Variants in CCDC92B observed in about 807,000 individuals in gnomAD.
CCDC92B encodes coiled-coil domain containing 92B.
Under a neutral mutation model 5.6 loss-of-function variants are expected in CCDC92B, and 2 were observed. That is an observed-to-expected ratio of 0.36 (90% CI 0.15 to 1.12). The LOEUF (loss-of-function observed/expected upper bound fraction) is 1.12. Among genes scored for constraint, CCDC92B ranks in the 50% most tolerant of loss-of-function variants. The probability of loss-of-function intolerance (pLI) is 0.40; values close to 1 mark genes in which losing one functional copy is unlikely to be tolerated. For synonymous variants in CCDC92B, 115 were observed against 122.3 expected, an observed-to-expected ratio of 0.94 and a Z score of 0.39; for missense variants, 271 against 262.2, an observed-to-expected ratio of 1.03 and a Z score of -0.23.
chr17:2,749,634 C>G lies in CCDC92B; in HGVS notation c.-247G>C, dbSNP rs2071031841. On this transcript the variant is annotated 5_prime_UTR_variant, in exon 1 of 4. Transcript: ENST00000614400. Reference sequence around the variant, plus strand: ...GGGGCGGGCTCGAGGCGTAAACACCCAGCAACGTGACCGGAACTGGCGAAC... The same window carrying G: ...GGGGCGGGCTCGAGGCGTAAACACCGAGCAACGTGACCGGAACTGGCGAAC... 2 of 149,006 alleles carry G rather than the reference C, an allele frequency of 1.3e-5. No homozygotes were observed. Among genetic ancestry groups the G allele is most frequent in the African/African-American group, 4.9e-5 (2 of 40,454 alleles). The allele number at this position is 149,006 out of a possible 1,614,324, so 9.2% of individuals were successfully genotyped here.
rs918023326 is a variant in CCDC92B at position 2,724,171 on chromosome 17, G to A, written c.*240C>T. The A allele has an allele frequency of 1.8e-5, 18 of 985,434 alleles. No individual in the cohort carries two copies. In the African/African-American group the frequency reaches 2.6e-4, roughly 14 times the overall value. The allele number at this position is 985,434 out of a possible 1,614,324, so 61.0% of individuals were successfully genotyped here. ...GACGGCGAGTCCTCTCGGTAGAGAAGGTGCCCCCGCTCGGCCCCGCGGAGG... is the reference window on the plus strand; with the variant it reads ...GACGGCGAGTCCTCTCGGTAGAGAAAGTGCCCCCGCTCGGCCCCGCGGAGG... On this transcript the variant is annotated 3_prime_UTR_variant, in exon 4 of 4. Transcript: ENST00000614400. The surrounding 1 kb of genome is among the most constrained non-coding windows in gnomAD (Gnocchi z 5.0).
At chr17:2,744,221 G>A (rs1329886399) in intron 1 of CCDC92B, among the ~76,000 whole-genome samples, 1 of 150,302 alleles carries the variant, frequency 6.7e-6, no homozygotes, top group Non-Finnish European at 1.5e-5. Flanking sequence ...AGAGACAAGA[G>A]TTTCACTGTG....
At chr17:2,725,205 C>G (rs1406644618) in intron 3 of CCDC92B, among the ~76,000 whole-genome samples, 1 of 151,652 alleles carries the variant, frequency 6.6e-6, no homozygotes, top group Non-Finnish European at 1.5e-5. Context: ...GAAACCCAGT[C>G]TCTACTAAAA....
chr17:2,747,944 T>G (rs530898992), intron 1 of CCDC92B: 2 of 342,006 alleles, frequency 5.8e-6, no homozygotes, highest in African/African-American at 4.3e-5. Flanking sequence ...CAACCCCACG[T>G]TGAAGATTCT....
intron 1 of CCDC92B, among the ~76,000 whole-genome samples, chr17:2,747,778 C>G (rs931372649): frequency 6.6e-6 from 1 of 152,180 alleles, no homozygotes; most frequent in African/African-American, 2.4e-5. Context: ...TATTCCTGTT[C>G]ATGGCCTGAC....
chr17:2,731,473 C>T lies in CCDC92B; in HGVS notation c.131-980G>A, dbSNP rs1428923072. ...CTGCAGGGACACAGTCTGGTGTCCA[C>T]GGGGAGGAGGTGTGAACCGGGGGTT... On this transcript the variant is annotated intron_variant, in intron 2 of 3. Coordinates refer to ENST00000614400, the MANE Select transcript of CCDC92B (RefSeq NM_001355573.2). Among the ~76,000 whole-genome samples, 6 of 152,158 alleles carry T rather than the reference C, an allele frequency of 3.9e-5. 1 individual carries two copies. Among genetic ancestry groups the T allele is most frequent in the South Asian group, 2.1e-4 (1 of 4,824 alleles).
chr17:2,725,275 C>T (rs893272081), intron 3 of CCDC92B, among the ~76,000 whole-genome samples: 1 of 151,800 alleles, frequency 6.6e-6, no homozygotes, highest in Admixed American at 6.6e-5. Context: ...CCCAGCTACT[C>T]GGGAGGCTGA....
At chr17:2,726,018 T>TA (rs2070725027) in intron 3 of CCDC92B, among the ~76,000 whole-genome samples, 1 of 132,656 alleles carries the variant, frequency 7.5e-6, no homozygotes, top group African/African-American at 3.0e-5. Context: ...TTTTTTGAGA[T>TA]AGAGTCTTGC....
chr17:2,748,229 A>T (rs2071010407), intron 1 of CCDC92B: 1 of 677,816 alleles, frequency 1.5e-6, no homozygotes, highest in Non-Finnish European at 2.5e-6. Context: ...CCATCCCCTC[A>T]CTTACTATAT....
chr17:2,726,847 T>TTGTG (rs887514539), intron 3 of CCDC92B, among the ~76,000 whole-genome samples: 52 of 151,380 alleles, frequency 3.4e-4, no homozygotes, highest in African/African-American at 1.2e-3. Flanking sequence ...ACTCCTGACC[T>TTGTG]TGTGATCCAC....
chr17:2,744,956 C>G (rs568264498), intron 1 of CCDC92B, among the ~76,000 whole-genome samples: 2 of 147,542 alleles, frequency 1.4e-5, no homozygotes, highest in Non-Finnish European at 1.5e-5. Flanking sequence ...GTGGTCCCAG[C>G]GTGGAGGCTG....
chr17:2,728,863 T>C (rs1274814823), intron 3 of CCDC92B, among the ~76,000 whole-genome samples: 1 of 152,208 alleles, frequency 6.6e-6, no homozygotes, highest in Non-Finnish European at 1.5e-5. Context: ...GGTCTGTAAC[T>C]GATCTTCATG....
intron 1 of CCDC92B, among the ~76,000 whole-genome samples, chr17:2,748,754 C>T (rs2071018655): frequency 6.6e-6 from 1 of 152,210 alleles, no homozygotes; most frequent in Non-Finnish European, 1.5e-5. Context: ...CCTTGGCTTT[C>T]CTGGGGACTG....
rs998076664 is a variant in CCDC92B, at chr17:2,731,864, C to A, written c.131-1371G>T. Reference sequence around the variant, plus strand: ...AGGGATACCTTGGCTCCGCCATTAACTCCCTGTGGGTGGTTTCTCTTCAGC... The same window carrying A: ...AGGGATACCTTGGCTCCGCCATTAAATCCCTGTGGGTGGTTTCTCTTCAGC... On this transcript the variant is annotated intron_variant, in intron 2 of 3. Coordinates refer to ENST00000614400, the MANE Select transcript of CCDC92B (RefSeq NM_001355573.2). 7.9e-5 allele frequency among the ~76,000 whole-genome samples: 12 copies of A among 152,248 alleles called. No homozygotes were observed. In the East Asian group the frequency reaches 2.1e-3, roughly 27 times the overall value.
intron 1 of CCDC92B, among the ~76,000 whole-genome samples, chr17:2,736,723 C>T (rs1037448929): frequency 2.0e-5 from 3 of 151,334 alleles, no homozygotes; most frequent in African/African-American, 7.3e-5. Context: ...ACTAAAAATA[C>T]AAAAAATTAG....
chr17:2,740,515 T>A (rs1386701464), intron 1 of CCDC92B, among the ~76,000 whole-genome samples: 1 of 151,488 alleles, frequency 6.6e-6, no homozygotes. Flanking sequence ...ATACAAAAAT[T>A]AGCTGGGCAT....
chr17:2,732,672 G>A (rs1271168386), intron 2 of CCDC92B, among the ~76,000 whole-genome samples: 1 of 150,878 alleles, frequency 6.6e-6, no homozygotes, highest in East Asian at 2.0e-4. Flanking sequence ...AGCTGAGATC[G>A]TGCCACTGTA....
In CCDC92B at chr17:2,722,295, A is replaced by C. The variant is rs541799693; in HGVS notation, c.*2116T>G. On this transcript the variant is annotated 3_prime_UTR_variant, in exon 4 of 4. Coordinates refer to ENST00000614400, the MANE Select transcript of CCDC92B (RefSeq NM_001355573.2). ...GTGAGTTACACACACTTGAGGGGGG[A>C]CAGAGATGGTACAGGCGCAACCACA... The C allele has an allele frequency of 1.1e-4, 16 of 151,740 alleles. No homozygotes were observed. Among genetic ancestry groups the C allele is most frequent in the African/African-American group, 3.6e-4 (15 of 41,240 alleles). 9.4% of individuals were successfully genotyped at this position (151,740 alleles called of 1,614,324 possible).
chr17:2,733,744 CTTTTTTTTTTTT>C (rs386385447), intron 2 of CCDC92B, among the ~76,000 whole-genome samples: 175 of 49,338 alleles, frequency 3.5e-3, no homozygotes, highest in Non-Finnish European at 4.7e-3. Flanking sequence ...GGACCACTGG[CTTTTTTTTTTTT>C]TTTTTTTTTT....
Sources: gnomAD v4.1 joint callset for allele counts (sites outside exome capture counted in the v4.1 genomes callset) on GRCh38, gnomAD v4.1.1 for gene constraint, Gnocchi (gnomAD v3.1) non-coding constraint, MANE v1.5 for transcripts, NCBI Gene and HGNC (gene_info 2026-07-23, HGNC 2026-07-21) for gene names.